Variants in ANKRD31 observed in about 807,000 individuals in gnomAD.
ANKRD31 encodes the protein ankyrin repeat domain 31.
Under a neutral mutation model 186.0 loss-of-function variants are expected in ANKRD31, and 147 were observed. The ratio of observed to expected loss-of-function variants is 0.79; its 90% CI spans 0.69 to 0.91. The LOEUF is 0.91. Among genes scored for constraint, ANKRD31 ranks in the 40% least tolerant of loss-of-function variants. The pLI is 0.00. For synonymous variants in ANKRD31, 673 were observed against 736.4 expected, an observed-to-expected ratio of 0.91 and a Z score of 1.39; for missense variants, 1,986 against 2,148.8, an observed-to-expected ratio of 0.92 and a Z score of 1.50.
intron 11 of ANKRD31, among the ~76,000 whole-genome samples, chr5:75,159,369 T>C (rs1196157283): frequency 3.3e-5 from 5 of 152,042 alleles, no homozygotes. Flanking sequence ...AAAGCATTAA[T>C]GCACACATCT....
chr5:75,110,762 T>C (rs966984058), intron 20 of ANKRD31, among the ~76,000 whole-genome samples: 2 of 149,918 alleles, frequency 1.3e-5, no homozygotes, highest in Non-Finnish European at 3.0e-5. Context: ...TCAGGCATAT[T>C]TTTCTTATTA....
chr5:75,104,251 T>A lies in ANKRD31; in HGVS notation c.5308A>T (p.Asn1770Tyr), dbSNP rs1747143031. The A allele has an allele frequency of 6.6e-7, 1 of 1,511,866 alleles. No individual in the cohort carries two copies. The highest frequency in any genetic ancestry group is 8.8e-7 in the Non-Finnish European group (1 of 1,134,510). The allele number at this position is 1,511,866 out of a possible 1,614,324, so 93.7% of individuals were successfully genotyped here. Reference sequence around the variant, plus strand: ...ACCTGTGTTTTGAATTCCAGAATGTTATTTCCTGGGTTAATTCTTCCTAGT... The same window carrying A: ...ACCTGTGTTTTGAATTCCAGAATGTAATTTCCTGGGTTAATTCTTCCTAGT... ...ILLGRINPGN[N>Y]ILEFKTQETT... Residue 1770 changes from asparagine to tyrosine, a missense_variant, in exon 22 of 26, where the codon AAC becomes TAC. Asn to Tyr is a moderately radical substitution (Grantham distance 143). Transcript: ENST00000506364.
Position 75,171,655 on chromosome 5 carries a change from A to C in ANKRD31, c.1565-2534T>G, listed in dbSNP as rs113141390. 5.8e-4 allele frequency among the ~76,000 whole-genome samples: 88 copies of C among 151,872 alleles called. 1 individual carries two copies. The highest frequency in any genetic ancestry group is 2.0e-3 in the African/African-American group (84 of 41,530). On this transcript the variant is annotated intron_variant, in intron 10 of 25. Transcript: ENST00000506364. ...ACAAAGACAACTAAAAGAGCCATAA[A>C]TCGATTCTTGAAAAAAATCAATAAA...
At chr5:75,234,592 C>G (rs1758146367) in intron 1 of ANKRD31, among the ~76,000 whole-genome samples, 2 of 152,228 alleles carry the variant, frequency 1.3e-5, no homozygotes, top group African/African-American at 4.8e-5. Context: ...TATAAGCTTT[C>G]TTTCCCACAG....
intron 11 of ANKRD31, among the ~76,000 whole-genome samples, chr5:75,160,182 T>G (rs1250129879): frequency 3.3e-5 from 5 of 152,082 alleles, no homozygotes; most frequent in Non-Finnish European, 5.9e-5. Flanking sequence ...AAACATAATA[T>G]GTATAACAGT....
At position 75,222,285 on chromosome 5, in the gene ANKRD31, C is replaced by G. The variant is rs746512335; in HGVS notation, c.252G>C (p.Lys84Asn). The change falls in exon 3 of 26, where the codon AAG becomes AAC. Residue 84 changes from lysine to asparagine, a missense_variant. Lys to Asn is a moderately conservative substitution (Grantham distance 94). Coordinates refer to ENST00000506364, the MANE Select transcript of ANKRD31 (RefSeq NM_001372053.1). ...EDLQEQMNKN[K>N]MMPVLSEDTI... Reference sequence around the variant, plus strand: ...TATCCTCGCTAAGAACAGGCATCATCTTATTTTTATTCATTTGCTCTTGCA... The same window carrying G: ...TATCCTCGCTAAGAACAGGCATCATGTTATTTTTATTCATTTGCTCTTGCA... The G allele has an allele frequency of 3.2e-5, 49 of 1,536,674 alleles. No homozygotes were observed. Among genetic ancestry groups the G allele is most frequent in the East Asian group, 2.9e-4 (12 of 40,882 alleles).
intron 11 of ANKRD31, among the ~76,000 whole-genome samples, chr5:75,164,472 T>C (rs1264021815): frequency 6.6e-6 from 1 of 152,204 alleles, no homozygotes; most frequent in African/African-American, 2.4e-5. Flanking sequence ...TACTCTTTGG[T>C]GAGGAGAGAG....
chr5:75,148,551 T>C (rs1561478802), intron 13 of ANKRD31, 25 bp downstream of exon 13: 1 of 1,453,154 alleles, frequency 6.9e-7, no homozygotes, highest in Non-Finnish European at 9.2e-7. Flanking sequence ...CCTATAAAAA[T>C]GTTTATTACT....
At chr5:75,182,403 A>G (rs1754383474) in intron 10 of ANKRD31, among the ~76,000 whole-genome samples, 1 of 152,154 alleles carries the variant, frequency 6.6e-6, no homozygotes, top group South Asian at 2.1e-4. Context: ...CTCAAACTAC[A>G]ATAAAAATTA....
chr5:75,074,466 A>G (rs1197080564), intron 25 of ANKRD31, among the ~76,000 whole-genome samples: 1 of 152,192 alleles, frequency 6.6e-6, no homozygotes, highest in East Asian at 1.9e-4. Context: ...CACTACTGCC[A>G]ACTTCAAATT....
chr5:75,140,203 C>CA (rs1374964570), intron 15 of ANKRD31, among the ~76,000 whole-genome samples: 2 of 129,670 alleles, frequency 1.5e-5, no homozygotes, highest in Non-Finnish European at 3.3e-5. Flanking sequence ...CACTCCGTCT[C>CA]AAAAAAAAGA....
chr5:75,099,084 T>C (rs1440106045), intron 22 of ANKRD31, among the ~76,000 whole-genome samples: 1 of 150,250 alleles, frequency 6.7e-6, no homozygotes, highest in East Asian at 1.9e-4. Flanking sequence ...AAATAGCTCT[T>C]ATTATTTTGA....
chr5:75,219,040 T>C (rs908518553), intron 3 of ANKRD31, among the ~76,000 whole-genome samples: 1 of 152,154 alleles, frequency 6.6e-6, no homozygotes, highest in African/African-American at 2.4e-5. Flanking sequence ...TCATACTGAA[T>C]GGGCAAAACT....
chr5:75,071,649 C>A (rs1010002004), intron 25 of ANKRD31, among the ~76,000 whole-genome samples: 2 of 152,032 alleles, frequency 1.3e-5, no homozygotes, highest in Admixed American at 1.3e-4. Flanking sequence ...GCACCCACCA[C>A]CACGCCCGGC....
chr5:75,111,424 G>A (rs747982016), intron 20 of ANKRD31, among the ~76,000 whole-genome samples: 6 of 152,100 alleles, frequency 3.9e-5, no homozygotes, highest in African/African-American at 7.2e-5. Flanking sequence ...TTGGGGGTAT[G>A]AATTATTTTA....
Position 75,183,160 on chromosome 5 carries a change from T to G in ANKRD31, c.1564+5333A>C, listed in dbSNP as rs112105907. 3.0e-3 allele frequency among the ~76,000 whole-genome samples: 457 copies of G among 152,124 alleles called. 3 individuals are homozygous for G. The highest frequency in any genetic ancestry group is 9.8e-3 in the African/African-American group (407 of 41,514). On this transcript the variant is annotated intron_variant, in intron 10 of 25. Transcript: ENST00000506364. ...TTAACAGAAAGAAAGACAAAAACCA[T>G]ATGATCATTTCAAAAGATGCAGAAA...
intron 15 of ANKRD31, among the ~76,000 whole-genome samples, chr5:75,142,249 C>T (rs1255607624): frequency 1.1e-4 from 17 of 152,060 alleles, no homozygotes; most frequent in Non-Finnish European, 2.4e-4. Flanking sequence ...ATGCCTATCT[C>T]ATTTCTTGTA....
Position 75,105,225 on chromosome 5 carries a change from G to A in ANKRD31, c.4341-7C>T. ...AAATGACTCTATGGATACCCTATAGGAAGAAACAGAAAGAGAAAAAATGCA... is the reference window on the plus strand; with the variant it reads ...AAATGACTCTATGGATACCCTATAGAAAGAAACAGAAAGAGAAAAAATGCA... On this transcript the variant is annotated splice_polypyrimidine_tract_variant and splice_region_variant and intron_variant, in intron 21 of 25. Transcript: ENST00000506364. The A allele has an allele frequency of 6.8e-7, 1 of 1,465,178 alleles. No homozygotes were observed. The highest frequency in any genetic ancestry group is 8.9e-7 in the Non-Finnish European group (1 of 1,117,578). 90.8% of individuals were successfully genotyped at this position (1,465,178 alleles called of 1,614,324 possible).
chr5:75,236,540 C>G (rs1326519709), intron 1 of ANKRD31, 43 bp downstream of exon 1: 1 of 1,518,576 alleles, frequency 6.6e-7, no homozygotes. Flanking sequence ...CCTGGGCCGC[C>G]CTGGCGCGAG....
Sources: allele counts gnomAD v4.1 joint callset (sites outside exome capture counted in the v4.1 genomes callset), GRCh38; gene constraint gnomAD v4.1.1; transcripts MANE v1.5; gene names NCBI Gene and HGNC (gene_info 2026-07-23, HGNC 2026-07-21).